The following FANCL variants were observed in gnomAD, a reference collection of about 807,000 sequenced individuals.
FANCL encodes FA complementation group L.
Under a neutral mutation model 59.4 loss-of-function variants are expected in FANCL, and 69 were observed. The observed-to-expected ratio is 1.16, with a 90% CI of 0.96 to 1.42. The LOEUF is 1.42. FANCL is among the 40% of genes most tolerant of loss of function. The probability of loss-of-function intolerance (pLI) is 0.00; values close to 1 mark genes in which losing one functional copy is unlikely to be tolerated. For synonymous variants in FANCL, 180 were observed against 147.1 expected, an observed-to-expected ratio of 1.22 and a Z score of -1.62; for missense variants, 519 against 447.2, an observed-to-expected ratio of 1.16 and a Z score of -1.45.
intron 5 of FANCL, among the ~76,000 whole-genome samples, chr2:58,220,969 T>C (rs1413968949): frequency 1.3e-5 from 2 of 152,086 alleles, no homozygotes; most frequent in Non-Finnish European, 2.9e-5. Context: ...TCCCAGCACT[T>C]TGGGAGGCTG....
Position 58,162,966 on chromosome 2 carries a change from A to C in FANCL, c.822-19T>G, listed in dbSNP as rs1685426463. 1 of 1,612,590 alleles carries C rather than the reference A, an allele frequency of 6.2e-7. No individual in the cohort carries two copies. The highest frequency in any genetic ancestry group is 1.3e-5 in the African/African-American group (1 of 74,858). Reference sequence around the variant, plus strand: ...TGGATCCCTGAAAGCATGGGGAAAAAAATTATGCTGTGAACTTTGTAAAAT... The same window carrying C: ...TGGATCCCTGAAAGCATGGGGAAAACAATTATGCTGTGAACTTTGTAAAAT... On this transcript the variant is annotated intron_variant, in intron 10 of 13. Coordinates refer to ENST00000233741, the MANE Select transcript of FANCL (RefSeq NM_018062.4).
chr2:58,223,188 C>A (rs1004084276), intron 4 of FANCL, among the ~76,000 whole-genome samples: 1 of 149,650 alleles, frequency 6.7e-6, no homozygotes, highest in Non-Finnish European at 1.5e-5. Context: ...CTGAGAATAT[C>A]AATATGGATT....
intron 1 of FANCL, among the ~76,000 whole-genome samples, chr2:58,240,685 T>C (rs1282013366): frequency 6.6e-6 from 1 of 152,204 alleles, no homozygotes; most frequent in South Asian, 2.1e-4. Flanking sequence ...GCAAAGTTAA[T>C]TAATTCCATT....
At chr2:58,231,285 C>T (rs1182866399) in intron 2 of FANCL, among the ~76,000 whole-genome samples, 1 of 152,188 alleles carries the variant, frequency 6.6e-6, no homozygotes, top group Non-Finnish European at 1.5e-5. Context: ...AACTTCCACA[C>T]ACATCTGCAC....
At chr2:58,177,348 A>G (rs1212737083) in intron 7 of FANCL, among the ~76,000 whole-genome samples, 1 of 152,172 alleles carries the variant, frequency 6.6e-6, no homozygotes. Flanking sequence ...TTATTGCAGC[A>G]CTATTCACAA....
At chr2:58,238,678 C>CT (rs1171369401) in intron 1 of FANCL, among the ~76,000 whole-genome samples, 2 of 152,064 alleles carry the variant, frequency 1.3e-5, no homozygotes, top group Non-Finnish European at 2.9e-5. Context: ...TCCATGGAGA[C>CT]TTTTTTATAA....
intron 7 of FANCL, among the ~76,000 whole-genome samples, chr2:58,181,620 G>A (rs1310298131): frequency 1.3e-5 from 2 of 151,970 alleles, no homozygotes; most frequent in East Asian, 1.9e-4. Context: ...AAAATGGCTG[G>A]ATTTATGGGT....
chr2:58,162,840 A>G, intron 11 of FANCL, 26 bp downstream of exon 11: 1 of 1,581,294 alleles, frequency 6.3e-7, no homozygotes, highest in Non-Finnish European at 8.7e-7. Flanking sequence ...TACTGTCTGG[A>G]ATATCAAAAC....
intron 11 of FANCL, among the ~76,000 whole-genome samples, 166 bp from the exon 12 acceptor site, chr2:58,161,804 G>C (rs1035573495): frequency 1.3e-5 from 2 of 151,856 alleles, no homozygotes; most frequent in East Asian, 1.9e-4. Context: ...TTTATGTTGG[G>C]AACATTACAA....
chr2:58,241,173 C>A, intron 1 of FANCL, 45 bp downstream of exon 1: 2 of 1,600,876 alleles, frequency 1.2e-6, no homozygotes, highest in Non-Finnish European at 1.7e-6. Context: ...CGCAGCTACG[C>A]TGCAAGAGGC....
At chr2:58,196,803 C>T (rs1689471853) in intron 7 of FANCL, among the ~76,000 whole-genome samples, 1 of 151,704 alleles carries the variant, frequency 6.6e-6, no homozygotes, top group Non-Finnish European at 1.5e-5. Flanking sequence ...ATTTTTCAAC[C>T]TTGGAATTGT....
At chr2:58,163,262 G>A (rs747394195) in intron 9 of FANCL, 172 bp downstream of exon 9, 36 of 725,876 alleles carry the variant, frequency 5.0e-5, no homozygotes, top group African/African-American at 9.0e-5. Context: ...TCATTATTGC[G>A]GTGAACCGAG....
chr2:58,169,672 T>G (rs180959380), intron 7 of FANCL, among the ~76,000 whole-genome samples: 1,877 of 151,780 alleles, frequency 0.012, 36 homozygotes, highest in African/African-American at 0.042. Context: ...GTTAGAGGAA[T>G]TGCTAACTAA....
chr2:58,176,291 T>C (rs936434260), intron 7 of FANCL, among the ~76,000 whole-genome samples: 1 of 152,092 alleles, frequency 6.6e-6, no homozygotes, highest in African/African-American at 2.4e-5. Context: ...TTAAAGTTCA[T>C]ATGGAACCAA....
intron 7 of FANCL, among the ~76,000 whole-genome samples, chr2:58,198,079 G>A (rs1285544623): frequency 6.6e-6 from 1 of 151,868 alleles, no homozygotes; most frequent in African/African-American, 2.4e-5. Flanking sequence ...ATGGGTGTGG[G>A]TGTGAGTGGG....
chr2:58,166,934 C>G (rs1211964891), intron 7 of FANCL, among the ~76,000 whole-genome samples: 1 of 152,156 alleles, frequency 6.6e-6, no homozygotes, highest in Non-Finnish European at 1.5e-5. Flanking sequence ...AAAAAGTGGG[C>G]CAGGTGCAGT....
intron 7 of FANCL, among the ~76,000 whole-genome samples, chr2:58,179,757 C>A (rs757277395): frequency 6.6e-6 from 1 of 152,124 alleles, no homozygotes; most frequent in Non-Finnish European, 1.5e-5. Flanking sequence ...AGAGCTCCTT[C>A]ACAGCAAAAG....
chr2:58,159,985 A>G, intron 13 of FANCL, 123 bp downstream of exon 13: 1 of 1,535,782 alleles, frequency 6.5e-7, no homozygotes, highest in Non-Finnish European at 8.7e-7. Context: ...TTTGAAAAAT[A>G]GAAATACAGA....
rs909479760 is a variant in FANCL at position 58,215,861 on chromosome 2, T to A, written c.374+6081A>T. Among the ~76,000 whole-genome samples, 13 of 151,474 alleles carry A rather than the reference T, an allele frequency of 8.6e-5. No homozygotes were observed. The South Asian group carries it at 2.3e-3, about 27-fold the overall frequency. On this transcript the variant is annotated intron_variant, in intron 5 of 13. Coordinates refer to ENST00000233741, the MANE Select transcript of FANCL (RefSeq NM_018062.4). The stretch of plus-strand genomic sequence containing the variant: ...AAACTTCTGATAAATCCTTAAACTG[T>A]AGGGAATAAGAGGATAAAAAGTCAA...
Sources: gnomAD v4.1 joint callset for allele counts (sites outside exome capture counted in the v4.1 genomes callset) on GRCh38, gnomAD v4.1.1 for gene constraint, MANE v1.5 for transcripts, NCBI Gene and HGNC (gene_info 2026-07-23, HGNC 2026-07-21) for gene names.